CHRM3: variants seen among roughly 807,000 people sequenced by gnomAD.
CHRM3 encodes the protein cholinergic receptor muscarinic 3.
In CHRM3, 11 loss-of-function variants were observed where a neutral mutation model predicts 41.8. That is an observed-to-expected ratio of 0.26 (90% CI 0.17 to 0.44). The LOEUF is 0.44. CHRM3 is among the 20% of genes least tolerant of loss of function. CHRM3 has a pLI of 1.00. For synonymous variants in CHRM3, 297 were observed against 301.4 expected (o/e 0.99, Z 0.15); for missense variants, 571 against 745.4 (o/e 0.77, Z 2.72).
chr1:239,430,343 T>G (rs565740986), intron 1 of CHRM3, among the ~76,000 whole-genome samples: 12 of 152,274 alleles, frequency 7.9e-5, no homozygotes, highest in African/African-American at 2.9e-4. Flanking sequence ...TTTTAAAATG[T>G]TCACACTTTG....
At chr1:239,592,590 T>C (rs1664305885) in intron 3 of CHRM3, among the ~76,000 whole-genome samples, 1 of 152,180 alleles carries the variant, frequency 6.6e-6, no homozygotes, top group Admixed American at 6.5e-5. Flanking sequence ...CTTAGTATAG[T>C]ATTTTCAAGG....
chr1:239,793,998 T>G (rs1236322993), intron 5 of CHRM3, among the ~76,000 whole-genome samples: 1 of 151,682 alleles, frequency 6.6e-6, no homozygotes, highest in South Asian at 2.1e-4. Flanking sequence ...ATATTTTGTA[T>G]AGACAGGGTG....
intron 6 of CHRM3, among the ~76,000 whole-genome samples, chr1:239,879,578 C>T (rs1366035718): frequency 6.6e-6 from 1 of 152,200 alleles, no homozygotes; most frequent in Non-Finnish European, 1.5e-5. Flanking sequence ...ACATCAGGCT[C>T]CCGGGTGAAC....
chr1:239,506,473 A>G (rs1169217585), intron 2 of CHRM3, among the ~76,000 whole-genome samples: 2 of 152,168 alleles, frequency 1.3e-5, no homozygotes, highest in African/African-American at 2.4e-5. Flanking sequence ...CTGTGTGTGC[A>G]TGGAAGTCAA....
At chr1:239,596,829 A>G (rs969538064) in intron 3 of CHRM3, among the ~76,000 whole-genome samples, 3 of 152,146 alleles carry the variant, frequency 2.0e-5, no homozygotes, top group East Asian at 3.9e-4. Flanking sequence ...TTCTTTAAGT[A>G]TCTGCACATA....
chr1:239,585,403 T>C (rs1041056253), intron 3 of CHRM3, among the ~76,000 whole-genome samples: 7 of 152,080 alleles, frequency 4.6e-5, no homozygotes, highest in Admixed American at 1.3e-4. Flanking sequence ...TATCTAAGAT[T>C]AAAGGAAATT....
chr1:239,619,408 T>A (rs1668103480), intron 3 of CHRM3, among the ~76,000 whole-genome samples: 1 of 152,038 alleles, frequency 6.6e-6, no homozygotes, highest in Non-Finnish European at 1.5e-5. Context: ...CGAAACCGAT[T>A]CTCCAAAGAA....
chr1:239,513,613 C>G (rs1197390406), intron 2 of CHRM3, among the ~76,000 whole-genome samples: 2 of 152,152 alleles, frequency 1.3e-5, no homozygotes, highest in African/African-American at 4.8e-5. Context: ...TTCAACAAAG[C>G]AGAAGCTTTT....
chr1:239,434,250 A>G (rs1558220816), intron 1 of CHRM3, among the ~76,000 whole-genome samples: 1 of 152,130 alleles, frequency 6.6e-6, no homozygotes, highest in Non-Finnish European at 1.5e-5. Flanking sequence ...TTGTTTCTGA[A>G]CAAGTCTCTC....
chr1:239,498,886 C>G (rs376764680), intron 2 of CHRM3, among the ~76,000 whole-genome samples: 1 of 152,278 alleles, frequency 6.6e-6, no homozygotes, highest in Non-Finnish European at 1.5e-5. Flanking sequence ...ATCTTCACCT[C>G]CTTTATAGTA....
chr1:239,403,434 A>G (rs886382579), intron 1 of CHRM3, among the ~76,000 whole-genome samples: 1 of 152,208 alleles, frequency 6.6e-6, no homozygotes, highest in Non-Finnish European at 1.5e-5. Context: ...AAAATAGTTT[A>G]TCCATTAGTG....
At chr1:239,647,080 TG>T (rs1437304562) in intron 4 of CHRM3, among the ~76,000 whole-genome samples, 21 of 152,238 alleles carry the variant, frequency 1.4e-4, no homozygotes, top group African/African-American at 5.1e-4. Flanking sequence ...TTTGATTATT[TG>T]TCTTTCATAT....
rs543810761 is a variant in CHRM3 at position 239,391,180 on chromosome 1, A to C, written c.-521+3953A>C. ...AATAGTAATTTTGGTTTGGTGAAGC[A>C]ATTGAAAATATTAAACCATAATGTG... On this transcript the variant is annotated intron_variant, in intron 1 of 6. Coordinates refer to ENST00000676153, the MANE Select transcript of CHRM3 (RefSeq NM_001375978.1). Among the ~76,000 whole-genome samples the C allele has an allele frequency of 2.0e-5, 3 of 152,304 alleles. No individual in the cohort carries two copies. The South Asian group carries it at 6.2e-4, about 32-fold the overall frequency.
At chr1:239,731,399 G>T (rs1663953663) in intron 5 of CHRM3, among the ~76,000 whole-genome samples, 1 of 151,954 alleles carries the variant, frequency 6.6e-6, no homozygotes, top group African/African-American at 2.4e-5. Context: ...AAGTGATATT[G>T]GCTGTTCTAA....
chr1:239,442,879 A>T (rs977445846), intron 1 of CHRM3, among the ~76,000 whole-genome samples: 1 of 152,198 alleles, frequency 6.6e-6, no homozygotes, highest in African/African-American at 2.4e-5. Flanking sequence ...CAGTGGATAC[A>T]TTAGTTGTTC....
At chr1:239,532,363 C>T (rs1657697503) in intron 2 of CHRM3, among the ~76,000 whole-genome samples, 1 of 147,826 alleles carries the variant, frequency 6.8e-6, no homozygotes, top group Non-Finnish European at 1.5e-5. Context: ...CGCAGTGGCT[C>T]ACGCCTGTAA....
chr1:239,479,669 A>C (rs1218813746), intron 1 of CHRM3, among the ~76,000 whole-genome samples: 1 of 152,254 alleles, frequency 6.6e-6, no homozygotes, highest in South Asian at 2.1e-4. Flanking sequence ...AAACCTGTGC[A>C]GCATGTTACT....
chr1:239,646,752 A>G (rs1024886087), intron 4 of CHRM3, among the ~76,000 whole-genome samples: 29 of 152,172 alleles, frequency 1.9e-4, no homozygotes, highest in African/African-American at 6.3e-4. Flanking sequence ...GGCCAGAATG[A>G]GAATGACTTT....
At chr1:239,855,070 A>G (rs1453401990) in intron 6 of CHRM3, among the ~76,000 whole-genome samples, 2 of 152,138 alleles carry the variant, frequency 1.3e-5, no homozygotes, top group African/African-American at 4.8e-5. Flanking sequence ...GCAAATTGAA[A>G]TAGGTTTTAT....
Sources: gnomAD v4.1 joint callset for allele counts (sites outside exome capture counted in the v4.1 genomes callset) on GRCh38, gnomAD v4.1.1 for gene constraint, MANE v1.5 for transcripts, NCBI Gene and HGNC (gene_info 2026-07-23, HGNC 2026-07-21) for gene names.